CAST: variants seen among roughly 807,000 people sequenced by gnomAD.
CAST encodes the protein MIR583 host.
A neutral mutation model predicts 119.6 loss-of-function variants in CAST; 76 were observed. The ratio of observed to expected loss-of-function variants is 0.64; its 90% CI spans 0.53 to 0.77. The LOEUF (loss-of-function observed/expected upper bound fraction) is 0.77. Among genes scored for constraint, CAST ranks in the 30% least tolerant of loss-of-function variants. The pLI, the probability that CAST is intolerant of heterozygous loss-of-function variation, is 0.00. For missense variants in CAST, 953 were observed against 946.5 expected (o/e 1.01, Z -0.09); for synonymous variants, 319 against 331.6 (o/e 0.96, Z 0.41).
the CAST span, chr5:95,962,128 T>G: frequency 5.6e-6 from 2 of 359,524 alleles, no homozygotes; most frequent in Non-Finnish European, 1.0e-5. Context: ...TTGGCCAGGC[T>G]GGCTTGGGGA....
the CAST span, among the ~76,000 whole-genome samples, chr5:96,284,418 C>T: frequency 6.6e-6 from 1 of 152,144 alleles, no homozygotes; most frequent in Non-Finnish European, 1.5e-5. Flanking sequence ...GACCACAACA[C>T]CCCTGCAGCT....
the CAST span, among the ~76,000 whole-genome samples, chr5:96,206,202 T>C: frequency 3.3e-5 from 5 of 151,872 alleles, no homozygotes; most frequent in East Asian, 1.9e-4. Flanking sequence ...TTATAGATAG[T>C]AGACTTTGTC....
At chr5:96,123,628 C>T in the CAST span, among the ~76,000 whole-genome samples, 2 of 152,116 alleles carry the variant, frequency 1.3e-5, no homozygotes, top group Admixed American at 1.3e-4. Flanking sequence ...AAAACAGTTG[C>T]TGGTTCATTC....
intron 1 of CAST, among the ~76,000 whole-genome samples, chr5:96,539,268 A>T (rs1745873951): frequency 6.6e-6 from 1 of 152,186 alleles, no homozygotes; most frequent in Non-Finnish European, 1.5e-5. Flanking sequence ...TCTAATGGGT[A>T]ATGCAAACTT....
chr5:96,664,989 C>T (rs537164580), intron 1 of CAST, among the ~76,000 whole-genome samples: 115 of 152,310 alleles, frequency 7.6e-4, no homozygotes, highest in African/African-American at 2.6e-3. Context: ...CTCAAGGAAA[C>T]TCTGCTGGGT....
At chr5:96,055,485 G>A in the CAST span, among the ~76,000 whole-genome samples, 5 of 152,260 alleles carry the variant, frequency 3.3e-5, no homozygotes, top group Admixed American at 3.3e-4. Flanking sequence ...AAGGAATGAT[G>A]AATGCAAATA....
chr5:96,675,109 G>A (rs926079150), intron 1 of CAST, among the ~76,000 whole-genome samples: 3 of 152,156 alleles, frequency 2.0e-5, no homozygotes, highest in Non-Finnish European at 2.9e-5. Context: ...TGCATTGGTG[G>A]ATACGCGGAA....
At chr5:96,242,780 T>C in the CAST span, among the ~76,000 whole-genome samples, 1 of 152,184 alleles carries the variant, frequency 6.6e-6, no homozygotes, top group Non-Finnish European at 1.5e-5. Flanking sequence ...ATGATTCACA[T>C]TTCCAGTTTT....
chr5:96,165,954 T>TC, the CAST span, among the ~76,000 whole-genome samples: 47,803 of 152,176 alleles, frequency 0.31, 7,750 homozygotes, highest in Middle Eastern at 0.39. Context: ...TTAATTATTT[T>TC]TCATTTTCAT....
the CAST span, among the ~76,000 whole-genome samples, chr5:96,355,933 C>G: frequency 6.6e-6 from 1 of 152,162 alleles, no homozygotes; most frequent in African/African-American, 2.4e-5. Flanking sequence ...ATCCCTTGAC[C>G]TCATGATCTG....
intron 1 of CAST, among the ~76,000 whole-genome samples, chr5:96,558,758 A>G (rs1312905944): frequency 1.3e-5 from 2 of 152,250 alleles, no homozygotes; most frequent in Non-Finnish European, 2.9e-5. Flanking sequence ...ATGGATTCAC[A>G]GCCGAATTCT....
intron 31 of CAST, 86 bp downstream of exon 31, chr5:96,771,788 C>T (rs1228460406): frequency 1.7e-5 from 13 of 768,764 alleles, no homozygotes; most frequent in Non-Finnish European, 2.9e-5. Flanking sequence ...AAGTCCACCT[C>T]TTGAGTAATT....
At chr5:96,261,872 G>A in the CAST span, among the ~76,000 whole-genome samples, 1 of 152,152 alleles carries the variant, frequency 6.6e-6, no homozygotes, top group South Asian at 2.1e-4. Context: ...GGGAGAAAAC[G>A]AATATTTGTT....
the CAST span, chr5:96,393,250 C>A: frequency 6.2e-7 from 1 of 1,613,958 alleles, no homozygotes; most frequent in Non-Finnish European, 8.5e-7. Flanking sequence ...AAGCACTTTG[C>A]AGGAGTCGCA....
In CAST at chr5:96,773,817, G is replaced by C. The variant is rs1267448987; in HGVS notation, c.*1201G>C. The C allele has an allele frequency of 6.6e-6, 1 of 152,274 alleles. No homozygotes were observed. The highest frequency in any genetic ancestry group is 1.5e-5 in the Non-Finnish European group (1 of 68,024). The allele number at this position is 152,274 out of a possible 1,614,324, so 9.4% of individuals were successfully genotyped here. On this transcript the variant is annotated 3_prime_UTR_variant, in exon 32 of 32. Transcript: ENST00000675179. ...GATGTCAGGTACATAACATAAAACA[G>C]ATTGGGAATTTATTGTTTCCAAAGG...
the CAST span, among the ~76,000 whole-genome samples, chr5:96,007,281 TG>T: frequency 6.6e-6 from 1 of 152,186 alleles, no homozygotes; most frequent in Non-Finnish European, 1.5e-5. Flanking sequence ...TTCTTTTCAT[TG>T]TATGTGCAGA....
the CAST span, among the ~76,000 whole-genome samples, chr5:96,492,565 T>G: frequency 6.6e-6 from 1 of 152,224 alleles, no homozygotes; most frequent in Admixed American, 6.5e-5. Context: ...TCCTAGTTAT[T>G]TGAATCTTTG....
intron 1 of CAST, among the ~76,000 whole-genome samples, chr5:96,631,768 G>A (rs921521484): frequency 7.9e-5 from 12 of 152,038 alleles, no homozygotes; most frequent in South Asian, 2.1e-4. Flanking sequence ...TCCCGACCTC[G>A]TGATCCACCC....
chr5:96,741,239 T>A, intron 13 of CAST, 27 bp from the exon 14 acceptor site: 1 of 1,298,102 alleles, frequency 7.7e-7, no homozygotes, highest in Non-Finnish European at 1.1e-6. Context: ...TCCCGTAAGT[T>A]ACCCATCACT....
Sources: gnomAD v4.1 joint callset for allele counts (sites outside exome capture counted in the v4.1 genomes callset) on GRCh38, gnomAD v4.1.1 for gene constraint, MANE v1.5 for transcripts, NCBI Gene and HGNC (gene_info 2026-07-23, HGNC 2026-07-21) for gene names.